The following PAH variants were observed in gnomAD, a reference collection of about 807,000 sequenced individuals.
PAH encodes the protein phenylalanine hydroxylase.
PAH carries 64 observed loss-of-function variants against 62.0 expected under a neutral mutation model. The observed-to-expected ratio is 1.03, with a 90% confidence interval of 0.84 to 1.27. The LOEUF (loss-of-function observed/expected upper bound fraction) is 1.27, where lower values mean the gene tolerates loss of function less well. Ranked by LOEUF, PAH falls within the 50% of genes most tolerant of loss-of-function variation. The pLI, the probability that PAH is intolerant of heterozygous loss-of-function variation, is 0.00. For synonymous variants in PAH, 195 were observed against 196.2 expected (o/e 0.99, Z 0.05); for missense variants, 579 against 542.8 (o/e 1.07, Z -0.66).
intron 6 of PAH, among the ~76,000 whole-genome samples, chr12:102,853,883 T>C (rs566649790): frequency 2.0e-5 from 3 of 152,342 alleles, no homozygotes; most frequent in Admixed American, 1.3e-4. Flanking sequence ...TTATGCCCAC[T>C]TTACCGATGG....
chr12:102,853,687 A>T (rs1372760094), intron 6 of PAH, among the ~76,000 whole-genome samples: 1 of 152,218 alleles, frequency 6.6e-6, no homozygotes, highest in African/African-American at 2.4e-5. Context: ...ACCTCTGATC[A>T]CCATCTCTAT....
chr12:102,887,876 A>G (rs549001081), intron 3 of PAH, among the ~76,000 whole-genome samples: 1 of 152,334 alleles, frequency 6.6e-6, no homozygotes, highest in East Asian at 1.9e-4. Flanking sequence ...TCAATCCAGC[A>G]TGATGGCAAA....
chr12:102,885,091 C>T (rs1876976912), intron 3 of PAH, among the ~76,000 whole-genome samples: 1 of 152,104 alleles, frequency 6.6e-6, no homozygotes, highest in South Asian at 2.1e-4. Context: ...ATTTTAGATT[C>T]CTTTTCTCCC....
chr12:102,908,828 C>T (rs542347588), intron 2 of PAH, among the ~76,000 whole-genome samples: 2 of 149,166 alleles, frequency 1.3e-5, no homozygotes, highest in South Asian at 4.2e-4. Context: ...ACATTTAGTC[C>T]TCATGTCTCT....
intron 2 of PAH, among the ~76,000 whole-genome samples, chr12:102,907,398 A>G (rs75859877): frequency 1.3e-5 from 2 of 152,066 alleles, no homozygotes; most frequent in Non-Finnish European, 2.9e-5. Context: ...TGCCATTTCC[A>G]CTGCACATTA....
chr12:102,882,802 G>T (rs1461932548), intron 3 of PAH, among the ~76,000 whole-genome samples: 1 of 151,836 alleles, frequency 6.6e-6, no homozygotes, highest in Non-Finnish European at 1.5e-5. Flanking sequence ...ATCTCCTGGA[G>T]CCTTAGTTTC....
upstream of PAH, chr12:102,917,340 T>G (rs1435793224): frequency 9.9e-6 from 6 of 603,052 alleles, no homozygotes; most frequent in Non-Finnish European, 1.8e-5. Flanking sequence ...TGCCGGATGC[T>G]CCAGGTCACC....
At chr12:102,949,843 C>T (rs1219207994) in intron 1 of PAH, among the ~76,000 whole-genome samples, 2 of 152,174 alleles carry the variant, frequency 1.3e-5, no homozygotes, top group Non-Finnish European at 2.9e-5. Flanking sequence ...GTTGCCCCCA[C>T]CGCATGTTTT....
intron 2 of PAH, among the ~76,000 whole-genome samples, chr12:102,905,569 C>G (rs1297863444): frequency 6.6e-6 from 1 of 151,948 alleles, no homozygotes; most frequent in Non-Finnish European, 1.5e-5. Flanking sequence ...GCATAATAGA[C>G]CTAGGTCAAT....
rs1878256190 is a variant in PAH at position 102,912,836 on chromosome 12, G to A, written c.123C>T (p.Leu41=). ...TGGCCAATGCACCAACTTCTTCTTT[G>A]AGTGAGAAGATCAGTGATATGGCAC... The part of the protein sequence containing the change: ...QNGAISLIFS[L]KEEVGALAKV... Residue 41 remains leucine (L), a synonymous_variant, in exon 2 of 13, where the codon CTC becomes CTT. Coordinates refer to ENST00000553106, the MANE Select transcript of PAH (RefSeq NM_000277.3). 6.2e-7 allele frequency: 1 copy of A among 1,613,474 alleles called. No individual in the cohort carries two copies. Among genetic ancestry groups the A allele is most frequent in the Admixed American group, 1.7e-5 (1 of 59,996 alleles).
chr12:102,898,465 G>T (rs1015906495), intron 2 of PAH, among the ~76,000 whole-genome samples: 1 of 152,140 alleles, frequency 6.6e-6, no homozygotes, highest in East Asian at 1.9e-4. Flanking sequence ...TGGACAGAAA[G>T]TATCTGAAAA....
intron 2 of PAH, 88 bp from the exon 3 acceptor site, chr12:102,895,006 C>A: frequency 1.0e-6 from 1 of 960,656 alleles, no homozygotes; most frequent in Non-Finnish European, 1.7e-6. Context: ...AAACCTAACG[C>A]AACAAAATGG....
chr12:102,925,436 T>C (rs1189847363), intron 1 of PAH, among the ~76,000 whole-genome samples: 1 of 152,106 alleles, frequency 6.6e-6, no homozygotes, highest in Non-Finnish European at 1.5e-5. Flanking sequence ...ATGAGAAAAA[T>C]TAACTTCTAC....
chr12:102,944,407 T>G (rs1007848396), intron 1 of PAH, among the ~76,000 whole-genome samples: 4 of 152,196 alleles, frequency 2.6e-5, no homozygotes, highest in Non-Finnish European at 5.9e-5. Flanking sequence ...GTCTGCTCTT[T>G]TAAGGTTATT....
intron 3 of PAH, among the ~76,000 whole-genome samples, chr12:102,879,124 G>T (rs760807098): frequency 2.0e-5 from 3 of 151,968 alleles, no homozygotes; most frequent in African/African-American, 7.3e-5. Context: ...TTCCTCCTCC[G>T]GGAGGAGGAG....
At chr12:102,940,558 C>A (rs912505652) in intron 1 of PAH, among the ~76,000 whole-genome samples, 1 of 152,112 alleles carries the variant, frequency 6.6e-6, no homozygotes, top group African/African-American at 2.4e-5. Context: ...ATCAACTGAG[C>A]TGAGGAAATT....
chr12:102,936,599 G>T (rs954065044), intron 1 of PAH, among the ~76,000 whole-genome samples: 1 of 151,950 alleles, frequency 6.6e-6, no homozygotes, highest in Admixed American at 6.6e-5. Flanking sequence ...TTATTATATT[G>T]TCTTGATGAA....
At chr12:102,950,668 C>CA (rs1484250391) in exon 1 of PAH, 4 of 152,260 alleles carry the variant, frequency 2.6e-5, no homozygotes, top group African/African-American at 9.7e-5. Flanking sequence ...TAGGCGCCTG[C>CA]ATTCCTCGCC....
chr12:102,941,291 C>T (rs555553621), intron 1 of PAH, among the ~76,000 whole-genome samples: 1 of 152,212 alleles, frequency 6.6e-6, no homozygotes, highest in South Asian at 2.1e-4. Flanking sequence ...ATAATAGGAT[C>T]AAATCTGAAC....
Sources: gnomAD v4.1 joint callset for allele counts (sites outside exome capture counted in the v4.1 genomes callset) on GRCh38, gnomAD v4.1.1 for gene constraint, MANE v1.5 for transcripts, NCBI Gene and HGNC (gene_info 2026-07-23, HGNC 2026-07-21) for gene names.